Variants in AGAP1 observed in about 807,000 individuals in gnomAD.
AGAP1 encodes the protein arf-GAP with GTPase, ANK repeat and PH domain-containing protein 1.
In AGAP1, 29 loss-of-function variants were observed where a neutral mutation model predicts 105.3. The observed-to-expected ratio is 0.28, with a 90% CI of 0.21 to 0.38. The LOEUF is 0.38. Among genes scored for constraint, AGAP1 ranks in the 10% least tolerant of loss-of-function variants. AGAP1 has a pLI of 1.00. For synonymous variants in AGAP1, 509 were observed against 485.9 expected (o/e 1.05, Z -0.63); for missense variants, 998 against 1,165.1 (o/e 0.86, Z 2.09).
intron 6 of AGAP1, among the ~76,000 whole-genome samples, chr2:235,786,123 G>A (rs1956620408): frequency 6.6e-6 from 1 of 152,164 alleles, no homozygotes; most frequent in African/African-American, 2.4e-5. Context: ...CTTTGTTTAA[G>A]TCATTTATCT....
intron 6 of AGAP1, among the ~76,000 whole-genome samples, chr2:235,780,291 A>G (rs953962534): frequency 1.3e-5 from 2 of 152,234 alleles, no homozygotes; most frequent in Non-Finnish European, 2.9e-5. Context: ...AAAAGATATC[A>G]TTGGCAGATG....
chr2:235,603,489 G>A (rs1312928150), intron 1 of AGAP1, among the ~76,000 whole-genome samples: 3 of 152,164 alleles, frequency 2.0e-5, no homozygotes, highest in African/African-American at 7.2e-5. Flanking sequence ...GCTTCGCAGT[G>A]CTCAATACAT....
rs563247742 is a variant in AGAP1, at chr2:235,736,795, C to T, written c.311-4168C>T. Among the ~76,000 whole-genome samples, 16 of 152,204 alleles carry T rather than the reference C, an allele frequency of 1.1e-4. No individual in the cohort carries two copies. The highest frequency in any genetic ancestry group is 3.3e-4 in the Admixed American group (5 of 15,288). On this transcript the variant is annotated intron_variant, in intron 3 of 17. Transcript: ENST00000304032. The surrounding 1 kb of genome is among the most constrained non-coding windows in gnomAD (Gnocchi z 5.5). ...AGTCGAGGCTGCAGTGAGTCATGTCCGTGCCACCGCACTCCAGCCTAGGCA... is the reference window on the plus strand; with the variant it reads ...AGTCGAGGCTGCAGTGAGTCATGTCTGTGCCACCGCACTCCAGCCTAGGCA...
intron 16 of AGAP1, among the ~76,000 whole-genome samples, chr2:236,102,585 TAAAA>T (rs372649210): frequency 0.14 from 18,374 of 134,520 alleles, 2,031 homozygotes; most frequent in African/African-American, 0.32. Context: ...GAGAGACTGT[TAAAA>T]AAAAAAAAAA....
At chr2:235,942,724 A>C (rs954995730) in intron 12 of AGAP1, among the ~76,000 whole-genome samples, 1 of 152,136 alleles carries the variant, frequency 6.6e-6, no homozygotes, top group Admixed American at 6.5e-5. Flanking sequence ...GAAGTCTAAA[A>C]TTTTGTAAAA....
chr2:235,847,020 C>T (rs565311335), intron 9 of AGAP1, among the ~76,000 whole-genome samples: 185 of 152,258 alleles, frequency 1.2e-3, no homozygotes, highest in African/African-American at 4.2e-3. Flanking sequence ...GTCCCAGGTT[C>T]GACATGTTGA....
In AGAP1 at chr2:236,060,471, T is replaced by C. The variant is rs376654607; in HGVS notation, c.2114+11190T>C. Among the ~76,000 whole-genome samples, 25 of 152,246 alleles carry C rather than the reference T, an allele frequency of 1.6e-4. No homozygotes were observed. In the South Asian group the frequency reaches 4.6e-3, roughly 28 times the overall value. ...TGGGAGGCCAAGGTGGGAGGATCAC[T>C]GGAGCCCAGGAGTTTGACACCAGTC... On this transcript the variant is annotated intron_variant, in intron 16 of 17. Coordinates refer to ENST00000304032, the MANE Select transcript of AGAP1 (RefSeq NM_001037131.3).
In AGAP1 at chr2:235,719,357, G is replaced by A. The variant is rs192893233; in HGVS notation, c.310+1713G>A. 1.5e-3 allele frequency among the ~76,000 whole-genome samples: 224 copies of A among 152,252 alleles called. 1 individual carries two copies. The highest frequency in any genetic ancestry group is 4.7e-3 in the African/African-American group (197 of 41,534). On this transcript the variant is annotated intron_variant, in intron 3 of 17. Transcript: ENST00000304032. The surrounding 1 kb of genome is among the most constrained non-coding windows in gnomAD (Gnocchi z 4.9). Reference sequence around the variant, plus strand: ...TGGCTTTTCGCTGTTTTCCCTTTGGGCATTCACAGTGTGTTCCATTGTATT... The same window carrying A: ...TGGCTTTTCGCTGTTTTCCCTTTGGACATTCACAGTGTGTTCCATTGTATT...
At chr2:235,630,040 A>AT (rs896616003) in intron 1 of AGAP1, among the ~76,000 whole-genome samples, 69 of 151,752 alleles carry the variant, frequency 4.5e-4, no homozygotes, top group African/African-American at 1.6e-3. Flanking sequence ...ATTACATTTA[A>AT]TTTTTTTTTC....
intron 16 of AGAP1, among the ~76,000 whole-genome samples, chr2:236,108,583 C>T (rs1479531535): frequency 3.3e-5 from 5 of 152,178 alleles, no homozygotes; most frequent in South Asian, 2.1e-4. Flanking sequence ...GGCACACAGA[C>T]GCAAATTCTT....
intron 9 of AGAP1, among the ~76,000 whole-genome samples, chr2:235,834,012 A>T (rs1959804264): frequency 6.6e-6 from 1 of 150,528 alleles, no homozygotes; most frequent in Admixed American, 6.6e-5. Context: ...TTGACATGTT[A>T]ACTGTCATCC....
In AGAP1 at chr2:236,121,736, G is replaced by A. The variant is rs1429065642; in HGVS notation, c.2370+1289G>A. On this transcript the variant is annotated intron_variant, in intron 17 of 17. Transcript: ENST00000304032. The surrounding 1 kb of genome is among the most constrained non-coding windows in gnomAD (Gnocchi z 4.9). ...ACATTAAATAAGAGTTGTGTGTAGTGTGCTAGGGCTGCCATAACAAAATAC... is the reference window on the plus strand; with the variant it reads ...ACATTAAATAAGAGTTGTGTGTAGTATGCTAGGGCTGCCATAACAAAATAC... Among the ~76,000 whole-genome samples the A allele has an allele frequency of 6.6e-6, 1 of 152,186 alleles. No homozygotes were observed. Among genetic ancestry groups the A allele is most frequent in the African/African-American group, 2.4e-5 (1 of 41,446 alleles).
intron 6 of AGAP1, among the ~76,000 whole-genome samples, chr2:235,781,187 T>C (rs1471470536): frequency 6.6e-6 from 1 of 152,216 alleles, no homozygotes; most frequent in African/African-American, 2.4e-5. Context: ...AAGCTCAGTC[T>C]TGTGAAAATG....
chr2:235,750,297 G>A lies in AGAP1; in HGVS notation c.539-57G>A. 5 of 1,607,744 alleles carry A rather than the reference G, an allele frequency of 3.1e-6. No homozygotes were observed. Among genetic ancestry groups the A allele is most frequent in the Non-Finnish European group, 4.3e-6 (5 of 1,174,746 alleles). Reference sequence around the variant, plus strand: ...GTTTTCCGTGTTGTGGGGAGTGTAGGAAGTATTTAGAGCTGTCATTGTCAC... The same window carrying A: ...GTTTTCCGTGTTGTGGGGAGTGTAGAAAGTATTTAGAGCTGTCATTGTCAC... On this transcript the variant is annotated intron_variant, in intron 5 of 17. Coordinates refer to ENST00000304032, the MANE Select transcript of AGAP1 (RefSeq NM_001037131.3). This position sits in a 1 kb window ranked among gnomAD's most constrained non-coding sequence, Gnocchi z 5.3.
Position 236,051,735 on chromosome 2 carries a change from T to C in AGAP1, c.2114+2454T>C, listed in dbSNP as rs1038993809. On this transcript the variant is annotated intron_variant, in intron 16 of 17. Transcript: ENST00000304032. This position sits in a 1 kb window ranked among gnomAD's most constrained non-coding sequence, Gnocchi z 5.9. ...GAGAGGGGAAGGGTTTGTCTATTCA[T>C]GGGTTCTGTCTGTCCCACCTGTTCC... Among the ~76,000 whole-genome samples the C allele has an allele frequency of 6.6e-6, 1 of 152,142 alleles. No individual in the cohort carries two copies. Among genetic ancestry groups the C allele is most frequent in the Non-Finnish European group, 1.5e-5 (1 of 68,022 alleles).
chr2:235,508,829 G>A (rs1454745670), intron 1 of AGAP1, among the ~76,000 whole-genome samples: 1 of 152,238 alleles, frequency 6.6e-6, no homozygotes, highest in African/African-American at 2.4e-5. Context: ...CCCCTGTGCT[G>A]TAATTAGCAA....
At chr2:235,851,490 T>G (rs1401220292) in intron 9 of AGAP1, among the ~76,000 whole-genome samples, 1 of 152,210 alleles carries the variant, frequency 6.6e-6, no homozygotes. Flanking sequence ...GGCCCTCGTT[T>G]CAGAGAATTT....
rs1400010429 is a variant in AGAP1, at chr2:235,610,016, G to A, written c.164-99163G>A. 1.3e-5 allele frequency among the ~76,000 whole-genome samples: 2 copies of A among 152,246 alleles called. No homozygotes were observed. Among genetic ancestry groups the A allele is most frequent in the East Asian group, 3.9e-4 (2 of 5,162 alleles). On this transcript the variant is annotated intron_variant, in intron 1 of 17. Coordinates refer to ENST00000304032, the MANE Select transcript of AGAP1 (RefSeq NM_001037131.3). This position sits in a 1 kb window ranked among gnomAD's most constrained non-coding sequence, Gnocchi z 4.9. ...CAACAGCTCCATTTAGCTAGGGTAG[G>A]ATAATGGTAAAGTTGCCAGCAGCAA...
chr2:236,059,707 C>T (rs1292255298), intron 16 of AGAP1, among the ~76,000 whole-genome samples: 1 of 152,186 alleles, frequency 6.6e-6, no homozygotes, highest in Non-Finnish European at 1.5e-5. Flanking sequence ...GCCAAGACAT[C>T]TTCCCCATCA....
Sources: allele counts gnomAD v4.1 joint callset (sites outside exome capture counted in the v4.1 genomes callset), GRCh38; gene constraint gnomAD v4.1.1; non-coding constraint Gnocchi (gnomAD v3.1); transcripts MANE v1.5; gene names NCBI Gene and HGNC (gene_info 2026-07-23, HGNC 2026-07-21).